The following EMB variants were observed in gnomAD, a reference collection of about 807,000 sequenced individuals.
The protein encoded by EMB is embigin homolog.
EMB carries 31 observed loss-of-function variants against 41.4 expected under a neutral mutation model. That is an observed-to-expected ratio of 0.75 (90% CI 0.56 to 1.01). The LOEUF is 1.01. Ranked by LOEUF, EMB falls within the 50% of genes least tolerant of loss-of-function variation. The probability of loss-of-function intolerance (pLI) is 0.00; values close to 1 mark genes in which losing one functional copy is unlikely to be tolerated. For missense variants in EMB, 379 were observed against 388.3 expected (o/e 0.98, Z 0.20); for synonymous variants, 137 against 140.4 (o/e 0.98, Z 0.17).
rs374368149 is a variant in EMB, at chr5:50,400,019, G to A, written c.912-106C>T. 2,609 of 690,180 alleles carry A rather than the reference G, an allele frequency of 3.8e-3. 56 individuals carry two copies. The African/African-American group carries it at 0.044, about 12-fold the overall frequency. 42.8% of individuals were successfully genotyped at this position (690,180 alleles called of 1,614,324 possible). On this transcript the variant is annotated intron_variant, in intron 7 of 8. Coordinates refer to ENST00000303221, the MANE Select transcript of EMB (RefSeq NM_198449.3). ...AGGTTAAAATGTAAAATGTCAATAC[G>A]GACAGAATTCTTTCTTCCTAAAAAT...
intron 1 of EMB, among the ~76,000 whole-genome samples, chr5:50,431,869 G>C (rs1238250376): frequency 6.6e-6 from 1 of 152,182 alleles, no homozygotes; most frequent in Non-Finnish European, 1.5e-5. Flanking sequence ...CATCAAAGAA[G>C]TGAGTAACAT....
At chr5:50,441,611 G>C (rs1210270825), upstream of EMB, among the ~76,000 whole-genome samples, 1 of 152,124 alleles carries the variant, frequency 6.6e-6, no homozygotes, top group East Asian at 1.9e-4. Flanking sequence ...TTCTCCTCCC[G>C]GACCCCGGAC....
At chr5:50,404,457 T>C (rs1020517403) in intron 5 of EMB, among the ~76,000 whole-genome samples, 1 of 151,954 alleles carries the variant, frequency 6.6e-6, no homozygotes, top group African/African-American at 2.4e-5. Flanking sequence ...AGTTTTGACC[T>C]GCATCCTATT....
chr5:50,429,461 G>C (rs1436131461), intron 1 of EMB, among the ~76,000 whole-genome samples: 1 of 152,112 alleles, frequency 6.6e-6, no homozygotes, highest in Non-Finnish European at 1.5e-5. Flanking sequence ...AAAAGTTAGT[G>C]ATCACTTTTG....
chr5:50,434,256 C>A (rs1332347014), intron 1 of EMB, among the ~76,000 whole-genome samples: 1 of 152,158 alleles, frequency 6.6e-6, no homozygotes, highest in Non-Finnish European at 1.5e-5. Context: ...GCGGAAAATG[C>A]CAACAGTACC....
At chr5:50,424,380 G>A (rs1745576784) in intron 2 of EMB, among the ~76,000 whole-genome samples, 1 of 152,100 alleles carries the variant, frequency 6.6e-6, no homozygotes, top group Non-Finnish European at 1.5e-5. Flanking sequence ...AGAGAAGCAG[G>A]AACATATGCG....
chr5:50,419,810 A>C (rs181468570), intron 2 of EMB, among the ~76,000 whole-genome samples: 129 of 152,358 alleles, frequency 8.5e-4, no homozygotes, highest in Middle Eastern at 3.4e-3. Context: ...CTGGATAAAG[A>C]AAATGTGGTG....
chr5:50,429,736 T>C (rs1053275238), intron 1 of EMB, among the ~76,000 whole-genome samples: 19 of 152,038 alleles, frequency 1.2e-4, no homozygotes, highest in Admixed American at 3.9e-4. Context: ...CAGACTACCC[T>C]CTCACAATGA....
In EMB at chr5:50,403,238, G is replaced by A; in HGVS notation, c.817C>T (p.Leu273Phe). The A allele has an allele frequency of 3.1e-6, 5 of 1,611,904 alleles. No homozygotes were observed. In the South Asian group the frequency reaches 5.5e-5, roughly 18 times the overall value. ...PFLVIVAEVI[L>F]LVATILLCEK... Reference sequence around the variant, plus strand: ...CAAAGCAGAATGGTGGCCACTAAAAGAATCACCTCAGCCACTATTACAAGA... The same window carrying A: ...CAAAGCAGAATGGTGGCCACTAAAAAAATCACCTCAGCCACTATTACAAGA... Residue 273 changes from leucine to phenylalanine, a missense_variant, in exon 6 of 9, where the codon CTT becomes TTT. Physicochemically the swap from Leu to Phe is conservative, Grantham distance 22 (BLOSUM62 0). Coordinates refer to ENST00000303221, the MANE Select transcript of EMB (RefSeq NM_198449.3).
intron 7 of EMB, among the ~76,000 whole-genome samples, chr5:50,401,012 C>T (rs921569535): frequency 1.3e-5 from 2 of 151,860 alleles, no homozygotes; most frequent in African/African-American, 2.4e-5. Flanking sequence ...ATGACTGTCA[C>T]GTTTGTTATA....
chr5:50,434,723 A>G (rs1745776486), intron 1 of EMB, among the ~76,000 whole-genome samples: 1 of 152,232 alleles, frequency 6.6e-6, no homozygotes. Context: ...TGCCAGGAAA[A>G]TGCTATTTTC....
At chr5:50,403,067 T>C in intron 6 of EMB, 111 bp downstream of exon 6, 3 of 1,047,622 alleles carry the variant, frequency 2.9e-6, no homozygotes, top group Non-Finnish European at 2.7e-6. Context: ...CCAAAAATCC[T>C]AAAGTCATTG....
chr5:50,441,227 C>T lies in EMB; in HGVS notation c.-76G>A. 1.1e-6 allele frequency: 1 copy of T among 899,340 alleles called. No individual in the cohort carries two copies. Among genetic ancestry groups the T allele is most frequent in the Non-Finnish European group, 1.5e-6 (1 of 668,496 alleles). 55.7% of individuals were successfully genotyped at this position (899,340 alleles called of 1,614,324 possible). A position where few individuals can be genotyped will look rare whatever the true frequency, so the allele number is the denominator to read the frequency against. On this transcript the variant is annotated 5_prime_UTR_variant, in exon 1 of 9. Transcript: ENST00000303221. ...CCGCCGCGGGTGTCCAGAGTCCCTGCGCACACTCGCAGGTGGCCCGGCGCT... is the reference window on the plus strand; with the variant it reads ...CCGCCGCGGGTGTCCAGAGTCCCTGTGCACACTCGCAGGTGGCCCGGCGCT...
intron 1 of EMB, among the ~76,000 whole-genome samples, chr5:50,431,924 T>C (rs1745726789): frequency 6.6e-6 from 1 of 152,224 alleles, no homozygotes; most frequent in Non-Finnish European, 1.5e-5. Flanking sequence ...AGCAAAATGG[T>C]CTCTACTTAA....
Position 50,410,923 on chromosome 5 carries a change from A to T in EMB, c.426T>A (p.Cys142Ter), listed in dbSNP as rs1194223928. The T allele has an allele frequency of 7.5e-6, 12 of 1,606,612 alleles. No homozygotes were observed. The East Asian group carries it at 2.7e-4, about 36-fold the overall frequency. ...INSKQMGSYS[C>*]FFREEKEQRG... ...TTTGTTCCTTTTCCTCTCGAAAGAAACAAGAATAACTTCCCATTTGTTTGC... is the reference window on the plus strand; with the variant it reads ...TTTGTTCCTTTTCCTCTCGAAAGAATCAAGAATAACTTCCCATTTGTTTGC... The change falls in exon 4 of 9, where the codon TGT becomes TGA. Residue 142 changes from cysteine to a stop codon, truncating the protein, a stop_gained. Transcript: ENST00000303221. LOFTEE classifies it high-confidence loss of function.
chr5:50,410,890 T>C lies in EMB; in HGVS notation c.459A>G (p.Thr153=), dbSNP rs776463212. 4.4e-6 allele frequency: 7 copies of C among 1,596,332 alleles called. No individual in the cohort carries two copies. Among genetic ancestry groups the C allele is most frequent in the Non-Finnish European group, 4.3e-6 (5 of 1,172,082 alleles). ...ATTAATACTGACCTTTGAAATTAAA[T>C]GTTCCCCTTTGTTCCTTTTCCTCTC... is the stretch of plus-strand genomic sequence containing the variant. ...FFREEKEQRG[T]FNFKVPELHG... is the part of the protein sequence containing the mutation. The change falls in exon 4 of 9, where the codon ACA becomes ACG. Residue 153 remains threonine, a synonymous_variant. Coordinates refer to ENST00000303221, the MANE Select transcript of EMB (RefSeq NM_198449.3).
At chr5:50,441,963 T>A (rs1424660671), upstream of EMB, among the ~76,000 whole-genome samples, 1 of 152,200 alleles carries the variant, frequency 6.6e-6, no homozygotes, top group East Asian at 1.9e-4. Context: ...GATAATGCTC[T>A]TACCCACAAG....
intron 1 of EMB, chr5:50,428,855 T>C: frequency 3.1e-6 from 1 of 318,704 alleles, no homozygotes; most frequent in Non-Finnish European, 4.5e-6. Flanking sequence ...TCTCTCACTC[T>C]CTTCGAAGTT....
At position 50,403,202 on chromosome 5, in the gene EMB, T is replaced by G. The variant is rs1170588137; in HGVS notation, c.853A>C (p.Thr285Pro). The change falls in exon 6 of 9, where the codon ACA (threonine) becomes CCA (proline). Residue 285 changes from threonine (T) to proline (P), a missense_variant. Physicochemically the swap from Thr to Pro is conservative, Grantham distance 38. Coordinates refer to ENST00000303221, the MANE Select transcript of EMB (RefSeq NM_198449.3). ...VATILLCEKY[T>P]QKKKKHSDEG... ...CCTGAGTGCTTCTTTTTCTTTTGTGTGTACTTTTCACAAAGCAGAATGGTG... is the reference window on the plus strand; with the variant it reads ...CCTGAGTGCTTCTTTTTCTTTTGTGGGTACTTTTCACAAAGCAGAATGGTG... 1 of 1,610,850 alleles carries G rather than the reference T, an allele frequency of 6.2e-7. No homozygotes were observed. Among genetic ancestry groups the G allele is most frequent in the Non-Finnish European group, 8.5e-7 (1 of 1,178,370 alleles).
Sources: allele counts gnomAD v4.1 joint callset (sites outside exome capture counted in the v4.1 genomes callset), GRCh38; gene constraint gnomAD v4.1.1; transcripts MANE v1.5; gene names NCBI Gene and HGNC (gene_info 2026-07-23, HGNC 2026-07-21).